ERC2: variants seen among roughly 807,000 people sequenced by gnomAD.
The protein encoded by ERC2 is ELKS/RAB6-interacting/CAST family member 2.
A neutral mutation model predicts 114.8 loss-of-function variants in ERC2; 42 were observed. The observed-to-expected ratio is 0.37, with a 90% CI of 0.29 to 0.47. ERC2 has a LOEUF of 0.47. Among genes scored for constraint, ERC2 ranks in the 20% least tolerant of loss-of-function variants. The pLI, the probability that ERC2 is intolerant of heterozygous loss-of-function variation, is 0.99. For missense variants in ERC2, 939 were observed against 1,150.7 expected, an observed-to-expected ratio of 0.82 and a Z score of 2.66; for synonymous variants, 454 against 425.5, an observed-to-expected ratio of 1.07 and a Z score of -0.82.
At chr3:55,563,481 G>C (rs2056171895) in intron 17 of ERC2, among the ~76,000 whole-genome samples, 1 of 152,144 alleles carries the variant, frequency 6.6e-6, no homozygotes, top group Admixed American at 6.5e-5. Context: ...CTGGGACTTG[G>C]CCAGTGTGAT....
intron 13 of ERC2, among the ~76,000 whole-genome samples, chr3:55,940,398 G>T (rs1351612297): frequency 6.6e-6 from 1 of 151,970 alleles, no homozygotes; most frequent in Non-Finnish European, 1.5e-5. Context: ...GAAGCTCAGG[G>T]CCCCACGGAT....
intron 17 of ERC2, among the ~76,000 whole-genome samples, chr3:55,647,443 C>T (rs573055387): frequency 6.6e-6 from 1 of 152,242 alleles, no homozygotes; most frequent in South Asian, 2.1e-4. Context: ...CCCACAAATA[C>T]GTTGACTGAA....
At chr3:55,866,748 A>G (rs1325386548) in intron 14 of ERC2, among the ~76,000 whole-genome samples, 1 of 152,150 alleles carries the variant, frequency 6.6e-6, no homozygotes, top group Non-Finnish European at 1.5e-5. Flanking sequence ...CTTAATGGCA[A>G]CAATATTTGA....
chr3:55,640,784 C>T (rs1459573792), intron 17 of ERC2, among the ~76,000 whole-genome samples: 1 of 152,090 alleles, frequency 6.6e-6, no homozygotes, highest in African/African-American at 2.4e-5. Context: ...TGCAGGTCTT[C>T]AACAAGCCCT....
intron 2 of ERC2, among the ~76,000 whole-genome samples, chr3:56,366,560 A>T (rs897273015): frequency 6.6e-6 from 1 of 152,106 alleles, no homozygotes; most frequent in Non-Finnish European, 1.5e-5. Flanking sequence ...TTCTCTGGGC[A>T]TTGAGTTCTT....
intron 13 of ERC2, among the ~76,000 whole-genome samples, chr3:55,923,567 A>T (rs2065565413): frequency 6.6e-6 from 1 of 152,122 alleles, no homozygotes; most frequent in Admixed American, 6.6e-5. Context: ...GCAAACAAGG[A>T]ATTATTTTCA....
intron 14 of ERC2, among the ~76,000 whole-genome samples, chr3:55,811,424 A>G (rs1253071523): frequency 6.6e-6 from 1 of 152,196 alleles, no homozygotes; most frequent in East Asian, 1.9e-4. Flanking sequence ...TACATGATGA[A>G]AACTGGAGAT....
At chr3:55,814,989 T>A (rs376473138) in intron 14 of ERC2, among the ~76,000 whole-genome samples, 3 of 152,274 alleles carry the variant, frequency 2.0e-5, no homozygotes, top group African/African-American at 7.2e-5. Context: ...TGACCCCTAT[T>A]GTAGCAGCTG....
Position 56,080,833 on chromosome 3 carries a change from T to C in ERC2, c.1625A>G (p.Asn542Ser), listed in dbSNP as rs12488237. 0.055 allele frequency: 88,820 copies of C among 1,613,340 alleles called. 3,246 individuals carry two copies. Among genetic ancestry groups the C allele is most frequent in the Admixed American group, 0.16 (9,800 of 59,948 alleles). ...GCTACTCACCTTTTTCTGAAGAACA[T>C]TGATTTTTCTTTCCTTCACTTCTAA... Reference protein sequence around the residue: ...DMLEVKERKINVLQKKIENLQ... With the variant: ...DMLEVKERKISVLQKKIENLQ... Residue 542 changes from asparagine to serine, a missense_variant, in exon 7 of 18, where the codon AAT (asparagine) becomes AGT (serine). Transcript: ENST00000288221.
Position 56,309,160 on chromosome 3 carries a change from C to A in ERC2, c.658-12725G>T, listed in dbSNP as rs571331089. ...ATTAATATTTAGACATATGGTCTAGCCTCTAGGCTTTCTCTTTTGGGGTAG... is the reference window on the plus strand; with the variant it reads ...ATTAATATTTAGACATATGGTCTAGACTCTAGGCTTTCTCTTTTGGGGTAG... On this transcript the variant is annotated intron_variant, in intron 2 of 17. Transcript: ENST00000288221. 7.2e-5 allele frequency among the ~76,000 whole-genome samples: 11 copies of A among 152,256 alleles called. No homozygotes were observed. In the East Asian group the frequency reaches 1.7e-3, roughly 24 times the overall value.
chr3:56,345,385 T>C (rs1417553467), intron 2 of ERC2, among the ~76,000 whole-genome samples: 1 of 152,166 alleles, frequency 6.6e-6, no homozygotes, highest in Non-Finnish European at 1.5e-5. Context: ...GGGCAAGCAT[T>C]GGGCCAAACA....
chr3:55,555,721 C>T (rs1173662415), intron 17 of ERC2, among the ~76,000 whole-genome samples: 1 of 152,188 alleles, frequency 6.6e-6, no homozygotes, highest in Non-Finnish European at 1.5e-5. Context: ...ACCTGCAAGG[C>T]CCCTGCCTTC....
At chr3:55,988,079 C>G (rs917437196) in intron 11 of ERC2, among the ~76,000 whole-genome samples, 10 of 152,218 alleles carry the variant, frequency 6.6e-5, no homozygotes, top group African/African-American at 2.4e-4. Context: ...CTATTAACCT[C>G]TCTCTTTCCC....
chr3:56,162,664 A>C (rs2149993965), intron 4 of ERC2, among the ~76,000 whole-genome samples: 1 of 152,262 alleles, frequency 6.6e-6, no homozygotes, highest in South Asian at 2.1e-4. Context: ...GTTTGTGTGC[A>C]TTTAAGTGTT....
intron 14 of ERC2, among the ~76,000 whole-genome samples, chr3:55,746,469 G>A (rs1186048641): frequency 6.6e-6 from 1 of 152,080 alleles, no homozygotes; most frequent in Non-Finnish European, 1.5e-5. Flanking sequence ...CCCGACCTCA[G>A]GTGATCCGCC....
chr3:55,649,622 T>G (rs961202978), intron 17 of ERC2, among the ~76,000 whole-genome samples: 1 of 152,152 alleles, frequency 6.6e-6, no homozygotes, highest in Non-Finnish European at 1.5e-5. Flanking sequence ...CATAAAGAAG[T>G]GCAGGTGCAG....
Position 56,435,078 on chromosome 3 carries a change from C to A in ERC2, c.-71G>T, listed in dbSNP as rs2061957705. On this transcript the variant is annotated 5_prime_UTR_variant, in exon 2 of 18. Coordinates refer to ENST00000288221, the MANE Select transcript of ERC2 (RefSeq NM_015576.3). ...TAAGTTGGGGTTTGAGCTAATATTT[C>A]CACGATTGTCCAGAATTTTCACCGC... The A allele has an allele frequency of 2.5e-6, 3 of 1,182,766 alleles. No individual in the cohort carries two copies. Among genetic ancestry groups the A allele is most frequent in the Admixed American group, 2.6e-5 (1 of 38,000 alleles). The allele number at this position is 1,182,766 out of a possible 1,614,324, so 73.3% of individuals were successfully genotyped here. A position where few individuals can be genotyped will look rare whatever the true frequency, so the allele number is the denominator to read the frequency against.
At chr3:55,901,712 G>A (rs549654892) in intron 13 of ERC2, among the ~76,000 whole-genome samples, 11 of 152,256 alleles carry the variant, frequency 7.2e-5, no homozygotes, top group East Asian at 3.9e-4. Flanking sequence ...GCTTAATCAC[G>A]TGAGTGACAT....
chr3:56,250,923 T>C (rs1185797731), intron 3 of ERC2, among the ~76,000 whole-genome samples: 2 of 152,094 alleles, frequency 1.3e-5, no homozygotes, highest in Non-Finnish European at 2.9e-5. Flanking sequence ...ACCAGCAAAA[T>C]CTTAATGCCT....
Sources: allele counts gnomAD v4.1 joint callset (sites outside exome capture counted in the v4.1 genomes callset), GRCh38; gene constraint gnomAD v4.1.1; transcripts MANE v1.5; gene names NCBI Gene and HGNC (gene_info 2026-07-23, HGNC 2026-07-21).